Variants in KNSTRN observed in about 807,000 individuals in gnomAD.
The protein encoded by KNSTRN is kinetochore localized astrin (SPAG5) binding protein.
In KNSTRN, 38 loss-of-function variants were observed where a neutral mutation model predicts 44.7. That is an observed-to-expected ratio of 0.85 (90% CI 0.66 to 1.11). The LOEUF (loss-of-function observed/expected upper bound fraction) is 1.11. KNSTRN is among the 50% of genes most tolerant of loss of function. The pLI is 0.00. For missense variants in KNSTRN, 406 were observed against 375.8 expected, an observed-to-expected ratio of 1.08 and a Z score of -0.66; for synonymous variants, 158 against 148.1, an observed-to-expected ratio of 1.07 and a Z score of -0.48.
rs762664300 is a variant in KNSTRN, at chr15:40,382,903, A to G, written c.68A>G (p.Asp23Gly). ...FRTTWLSTEC[D>G]SHPLPPSYRK... ...ACAACATGGCTGTCTACAGAGTGCG[A>G]TTCCCACCCACTTCCGCCTAGCTAC... Residue 23 changes from aspartate to glycine, a missense_variant, in exon 1 of 9, where the codon GAT becomes GGT. Transcript: ENST00000249776. The G allele has an allele frequency of 2.5e-6, 4 of 1,612,260 alleles. No homozygotes were observed. The highest frequency in any genetic ancestry group is 3.3e-5 in the Admixed American group (2 of 60,024).
At chr15:40,391,741 A>G in intron 7 of KNSTRN, 187 bp downstream of exon 7, 1 of 664,404 alleles carries the variant, frequency 1.5e-6, no homozygotes, top group East Asian at 2.7e-5. Context: ...CTTTGTGCTT[A>G]CAAATATAAG....
At chr15:40,390,951 T>C (rs1889987008) in intron 6 of KNSTRN, among the ~76,000 whole-genome samples, 1 of 152,124 alleles carries the variant, frequency 6.6e-6, no homozygotes, top group African/African-American at 2.4e-5. Flanking sequence ...ATATATATGT[T>C]TTTAAATTTA....
chr15:40,386,681 C>T, intron 3 of KNSTRN, 187 bp downstream of exon 3: 1 of 601,240 alleles, frequency 1.7e-6, no homozygotes, highest in Non-Finnish European at 2.9e-6. Flanking sequence ...TCTGAAGAGA[C>T]ACAGCCAGAG....
At chr15:40,383,119 TC>T in intron 1 of KNSTRN, 75 bp downstream of exon 1, 1 of 1,594,866 alleles carries the variant, frequency 6.3e-7, no homozygotes. Flanking sequence ...GAGGATTTTC[TC>T]TTTTCCAACC....
intron 5 of KNSTRN, 108 bp from the exon 6 acceptor site, chr15:40,389,728 A>G (rs938307883): frequency 1.1e-5 from 15 of 1,364,204 alleles, no homozygotes; most frequent in Admixed American, 1.9e-5. Flanking sequence ...AAGGGCAGAA[A>G]AAAAAAGCCA....
In KNSTRN at chr15:40,388,030, G is replaced by A. The variant is rs530254451; in HGVS notation, c.485+824G>A. The stretch of plus-strand genomic sequence containing the variant: ...CTTACAAAAATAAAAAAGTTTTGAA[G>A]ACAAAATACTAGCAAAAAAGACTGA... On this transcript the variant is annotated intron_variant, in intron 4 of 8. Transcript: ENST00000249776. 2.0e-5 allele frequency among the ~76,000 whole-genome samples: 3 copies of A among 152,232 alleles called. No homozygotes were observed. In the East Asian group the frequency reaches 5.8e-4, roughly 29 times the overall value.
chr15:40,391,916 A>G (rs1890004338), intron 7 of KNSTRN, 33 bp from the exon 8 acceptor site: 1 of 1,560,548 alleles, frequency 6.4e-7, no homozygotes, highest in Non-Finnish European at 8.8e-7. Flanking sequence ...TTTTATATGA[A>G]GATTTGTTTA....
rs747228810 is a variant in KNSTRN at position 40,389,606 on chromosome 15, A to T, written c.586A>T (p.Thr196Ser). ...NKQLHQKLTE[T>S]QGELKDLTQK... is the part of the protein sequence containing the mutation. ...GCAGTTGCACCAGAAGTTGACTGAA[A>T]CTCAGGTAAGAGACCCACCAGAGCT... The change falls in exon 5 of 9, where the codon ACT (threonine) becomes TCT (serine). Residue 196 changes from threonine to serine, a missense_variant. Physicochemically the swap from Thr to Ser is moderately conservative, Grantham distance 58. Transcript: ENST00000249776. The T allele has an allele frequency of 8.1e-6, 13 of 1,611,324 alleles. No homozygotes were observed. Among genetic ancestry groups the T allele is most frequent in the Non-Finnish European group, 9.3e-6 (11 of 1,177,538 alleles).
rs1280812638 is a variant in KNSTRN at position 40,386,210 on chromosome 15, G to A, written c.305-152G>A. On this transcript the variant is annotated intron_variant, in intron 2 of 8. Transcript: ENST00000249776. The stretch of plus-strand genomic sequence containing the variant: ...CCACTGTACTCCAGCCTGGGCCACA[G>A]AGCAAGACTCTGTCTCAAAAAAATA... 10 of 810,668 alleles carry A rather than the reference G, an allele frequency of 1.2e-5. No homozygotes were observed. The East Asian group carries it at 2.7e-4, about 22-fold the overall frequency. 50.2% of individuals were successfully genotyped at this position (810,668 alleles called of 1,614,324 possible).
chr15:40,384,719 G>T, intron 2 of KNSTRN: 1 of 249,664 alleles, frequency 4.0e-6, no homozygotes, highest in Non-Finnish European at 8.2e-6. Flanking sequence ...AGCGTGGGCT[G>T]GATAAGTAAT....
Position 40,382,804 on chromosome 15 carries a change from G to T in KNSTRN, c.-32G>T. The T allele has an allele frequency of 6.3e-7, 1 of 1,593,896 alleles. No individual in the cohort carries two copies. The highest frequency in any genetic ancestry group is 2.3e-5 in the East Asian group (1 of 44,202). Reference sequence around the variant, plus strand: ...GCTCCAACACCTTTCGCTAGGTCTGGCTCTGGCCTCTGAGCGAACCTTCCG... The same window carrying T: ...GCTCCAACACCTTTCGCTAGGTCTGTCTCTGGCCTCTGAGCGAACCTTCCG... On this transcript the variant is annotated 5_prime_UTR_variant, in exon 1 of 9. Transcript: ENST00000249776.
intron 4 of KNSTRN, 63 bp downstream of exon 4, chr15:40,387,269 C>A: frequency 1.6e-6 from 2 of 1,280,644 alleles, no homozygotes; most frequent in South Asian, 1.2e-5. Context: ...ATCCTTGGTT[C>A]TGCATCAGAA....
chr15:40,389,361 G>T, intron 4 of KNSTRN, 145 bp from the exon 5 acceptor site: 1 of 624,012 alleles, frequency 1.6e-6, no homozygotes. Context: ...ATCTTGGTCA[G>T]GCTGGTCTTG....
rs878939744 is a variant in KNSTRN, at chr15:40,389,504, A to G, written c.486-2A>G. On this transcript the variant is annotated splice_acceptor_variant, in intron 4 of 8. Transcript: ENST00000249776. LOFTEE classifies it high-confidence loss of function. Reference sequence around the variant, plus strand: ...TTCATGTAAGTACAACTATTATTACAGCTACAAACCACTGAGTAAGCAAAA... The same window carrying G: ...TTCATGTAAGTACAACTATTATTACGGCTACAAACCACTGAGTAAGCAAAA... The G allele has an allele frequency of 1.2e-6, 2 of 1,610,234 alleles. No individual in the cohort carries two copies. Among genetic ancestry groups the G allele is most frequent in the East Asian group, 2.2e-5 (1 of 44,872 alleles).
intron 7 of KNSTRN, 179 bp from the exon 8 acceptor site, chr15:40,391,770 T>C: frequency 1.5e-6 from 1 of 665,242 alleles, no homozygotes; most frequent in Non-Finnish European, 2.6e-6. Context: ...AATTGAAAAT[T>C]TAAAACACAT....
chr15:40,390,484 C>G (rs1889979653), intron 6 of KNSTRN, among the ~76,000 whole-genome samples: 2 of 152,308 alleles, frequency 1.3e-5, no homozygotes, highest in South Asian at 4.1e-4. Context: ...AGGAATTGCC[C>G]AAAGACTGTA....
At chr15:40,389,220 C>T in intron 4 of KNSTRN, 2 of 477,562 alleles carry the variant, frequency 4.2e-6, no homozygotes, top group East Asian at 5.9e-5. Context: ...GCAATCTCAG[C>T]TCACCACAAC....
chr15:40,389,371 G>C, intron 4 of KNSTRN, 135 bp from the exon 5 acceptor site: 2 of 641,892 alleles, frequency 3.1e-6, no homozygotes, highest in Non-Finnish European at 2.8e-6. Context: ...GGCTGGTCTT[G>C]ATTTCCCGAC....
At chr15:40,386,985 A>G in intron 3 of KNSTRN, 174 bp from the exon 4 acceptor site, 1 of 628,114 alleles carries the variant, frequency 1.6e-6, no homozygotes. Flanking sequence ...AAGCCTTTTC[A>G]ATAATCTGTG....
Sources: allele counts gnomAD v4.1 joint callset (sites outside exome capture counted in the v4.1 genomes callset), GRCh38; gene constraint gnomAD v4.1.1; transcripts MANE v1.5; gene names NCBI Gene and HGNC (gene_info 2026-07-23, HGNC 2026-07-21).